The following MAF variants were observed in gnomAD, a reference collection of about 807,000 sequenced individuals.
The protein encoded by MAF is MAF bZIP transcription factor, also known as transcription factor Maf.
Under a neutral mutation model 22.0 loss-of-function variants are expected in MAF, and 10 were observed. The ratio of observed to expected loss-of-function variants is 0.45; its 90% CI spans 0.28 to 0.77. The LOEUF is 0.77. MAF is among the 30% of genes least tolerant of loss of function. The pLI is 0.12. For missense variants in MAF, 544 were observed against 548.4 expected, an observed-to-expected ratio of 0.99 and a Z score of 0.08; for synonymous variants, 337 against 255.8, an observed-to-expected ratio of 1.32 and a Z score of -3.03.
downstream of MAF, among the ~76,000 whole-genome samples, chr16:79,581,546 G>A (rs1912517730): frequency 1.3e-5 from 2 of 152,176 alleles, no homozygotes; most frequent in Non-Finnish European, 2.9e-5. Context: ...CGACCTCAGG[G>A]TCAATTTCTC....
the MAF span, chr16:79,212,400 G>T: frequency 1.2e-5 from 5 of 433,932 alleles, no homozygotes; most frequent in Non-Finnish European, 1.6e-5. Flanking sequence ...CAAAGTACTT[G>T]TCATAGACTC....
chr16:79,219,573 A>AG, the MAF span, among the ~76,000 whole-genome samples: 7 of 133,044 alleles, frequency 5.3e-5, no homozygotes, highest in Non-Finnish European at 1.2e-4. Flanking sequence ...AAAAAAAAAA[A>AG]AAAGACTCAC....
the MAF span, among the ~76,000 whole-genome samples, chr16:79,208,437 A>C: frequency 6.6e-6 from 1 of 152,134 alleles, no homozygotes; most frequent in African/African-American, 2.4e-5. Context: ...TTGTATGTCA[A>C]GGTATTATTA....
At chr16:79,280,331 C>T in the MAF span, among the ~76,000 whole-genome samples, 1 of 152,186 alleles carries the variant, frequency 6.6e-6, no homozygotes, top group Non-Finnish European at 1.5e-5. Context: ...ATCAAGAGTC[C>T]AGCTGCAGTC....
chr16:79,588,489 C>T (rs2060350078), intron 1 of MAF, among the ~76,000 whole-genome samples: 2 of 151,892 alleles, frequency 1.3e-5, no homozygotes, highest in African/African-American at 2.4e-5. Context: ...GGCTTGAGTG[C>T]AGTGGCGCAA....
At chr16:79,542,632 C>T in the MAF span, among the ~76,000 whole-genome samples, 4 of 152,212 alleles carry the variant, frequency 2.6e-5, no homozygotes, top group Non-Finnish European at 5.9e-5. Flanking sequence ...ATGACCTTAG[C>T]AAAGCCGCTC....
the MAF span, among the ~76,000 whole-genome samples, chr16:79,454,075 T>C: frequency 6.6e-6 from 1 of 152,222 alleles, no homozygotes; most frequent in Non-Finnish European, 1.5e-5. Context: ...CATGCATATC[T>C]CATTTAATTG....
At chr16:79,259,423 C>G in the MAF span, among the ~76,000 whole-genome samples, 10 of 152,166 alleles carry the variant, frequency 6.6e-5, no homozygotes, top group African/African-American at 2.2e-4. Flanking sequence ...CTTCATAGCA[C>G]TGGTCACAAC....
chr16:79,500,152 C>T, the MAF span, among the ~76,000 whole-genome samples: 4 of 152,302 alleles, frequency 2.6e-5, no homozygotes. Flanking sequence ...GCCTCCAGGA[C>T]TTTGAGAGAA....
At chr16:79,459,160 A>T in the MAF span, among the ~76,000 whole-genome samples, 1 of 152,224 alleles carries the variant, frequency 6.6e-6, no homozygotes, top group African/African-American at 2.4e-5. Context: ...GATCAGAGGC[A>T]GAGCTGGGGT....
the MAF span, among the ~76,000 whole-genome samples, chr16:79,577,301 T>C: frequency 8.5e-5 from 13 of 152,080 alleles, no homozygotes; most frequent in South Asian, 2.1e-4. Flanking sequence ...TCCTACTACA[T>C]GTGCTGAGGT....
At chr16:79,414,102 T>G in the MAF span, among the ~76,000 whole-genome samples, 1 of 152,318 alleles carries the variant, frequency 6.6e-6, no homozygotes, top group Non-Finnish European at 1.5e-5. Flanking sequence ...GGTGTATACC[T>G]CATACATTCT....
At chr16:79,560,016 T>A in the MAF span, among the ~76,000 whole-genome samples, 2 of 152,210 alleles carry the variant, frequency 1.3e-5, no homozygotes, top group Non-Finnish European at 2.9e-5. Flanking sequence ...GCAATCCTCC[T>A]GCTTTAGCCT....
chr16:79,383,691 T>C, the MAF span, among the ~76,000 whole-genome samples: 1 of 152,194 alleles, frequency 6.6e-6, no homozygotes. Context: ...TTGCTGTAGG[T>C]GTCACAGAAC....
At chr16:79,520,098 T>A in the MAF span, among the ~76,000 whole-genome samples, 1 of 152,140 alleles carries the variant, frequency 6.6e-6, no homozygotes, top group Non-Finnish European at 1.5e-5. Context: ...GGGCCTCTTC[T>A]GAGTTCTGAA....
At chr16:79,430,348 G>T in the MAF span, among the ~76,000 whole-genome samples, 229 of 152,330 alleles carry the variant, frequency 1.5e-3, 3 homozygotes, top group African/African-American at 4.9e-3. Flanking sequence ...GGCTGAGCAG[G>T]GTCTTCCCGT....
the MAF span, among the ~76,000 whole-genome samples, chr16:79,504,964 G>T: frequency 3.6e-4 from 55 of 152,202 alleles, 1 homozygote; most frequent in East Asian, 9.9e-3. Context: ...TCTGTTTGGG[G>T]GTTGCCACAT....
chr16:79,497,395 T>C, the MAF span, among the ~76,000 whole-genome samples: 1 of 152,154 alleles, frequency 6.6e-6, no homozygotes, highest in East Asian at 1.9e-4. Flanking sequence ...CCCGCCTGCT[T>C]CCTCTGCCCC....
the MAF span, among the ~76,000 whole-genome samples, chr16:79,510,280 C>T: frequency 6.6e-6 from 1 of 152,196 alleles, no homozygotes; most frequent in Non-Finnish European, 1.5e-5. Flanking sequence ...CTCTTGGCTT[C>T]TTCATTGCTC....
Sources: gnomAD v4.1 joint callset for allele counts (sites outside exome capture counted in the v4.1 genomes callset) on GRCh38, gnomAD v4.1.1 for gene constraint, MANE v1.5 for transcripts, NCBI Gene and HGNC (gene_info 2026-07-23, HGNC 2026-07-21) for gene names.